Variants in LARP1B observed in about 807,000 individuals in gnomAD.
LARP1B encodes the protein La ribonucleoprotein 1B, also known as la-related protein 1B.
In LARP1B, 76 loss-of-function variants were observed where a neutral mutation model predicts 114.2. The ratio of observed to expected loss-of-function variants is 0.67; its 90% CI spans 0.55 to 0.81. The LOEUF (loss-of-function observed/expected upper bound fraction) is 0.81, where lower values mean the gene tolerates loss of function less well. Among genes scored for constraint, LARP1B ranks in the 30% least tolerant of loss-of-function variants. LARP1B has a pLI of 0.00. For synonymous variants in LARP1B, 345 were observed against 348.0 expected, an observed-to-expected ratio of 0.99 and a Z score of 0.10; for missense variants, 1,014 against 1,075.8, an observed-to-expected ratio of 0.94 and a Z score of 0.80.
chr4:128,062,197 C>G, intron 1 of LARP1B: 1 of 985,432 alleles, frequency 1.0e-6, no homozygotes, highest in Non-Finnish European at 1.2e-6. Context: ...CGCCACCGCC[C>G]CCGCTGGAAA....
At chr4:128,185,536 T>TG (rs1451600101) in intron 15 of LARP1B, among the ~76,000 whole-genome samples, 1 of 151,294 alleles carries the variant, frequency 6.6e-6, no homozygotes, top group African/African-American at 2.4e-5. Flanking sequence ...TTTGTATTGT[T>TG]TTTTTTTTTC....
intron 15 of LARP1B, among the ~76,000 whole-genome samples, chr4:128,194,234 G>A (rs1029733367): frequency 6.6e-6 from 1 of 151,798 alleles, no homozygotes; most frequent in Non-Finnish European, 1.5e-5. Context: ...TACCACACCC[G>A]GCTAATTTTT....
intron 9 of LARP1B, 139 bp downstream of exon 9, chr4:128,107,452 G>C (rs755827818): frequency 6.7e-7 from 1 of 1,488,050 alleles, no homozygotes; most frequent in South Asian, 1.4e-5. Context: ...GTCCCATTTT[G>C]TATTCATATT....
At chr4:128,098,757 ATATATATATATTTTTTTTTTTTT>A (rs1779063297) in intron 8 of LARP1B, among the ~76,000 whole-genome samples, 1 of 33,068 alleles carries the variant, frequency 3.0e-5, no homozygotes, top group Non-Finnish European at 5.9e-5. Flanking sequence ...GTATATATAT[ATATATATATATTTTTTTTTTTTT>A]TTTTTTTTTT....
intron 11 of LARP1B, among the ~76,000 whole-genome samples, chr4:128,140,850 C>T (rs1444910438): frequency 1.9e-5 from 2 of 105,768 alleles, no homozygotes; most frequent in East Asian, 2.6e-4. Flanking sequence ...GAGTCTTGCT[C>T]TGTCGCCCAG....
At chr4:128,082,399 A>C in intron 5 of LARP1B, 94 bp downstream of exon 5, 1 of 1,138,960 alleles carries the variant, frequency 8.8e-7, no homozygotes, top group Non-Finnish European at 1.3e-6. Flanking sequence ...ATTTGAGAAT[A>C]AGTTGAAGAC....
rs1561011640 is a variant in LARP1B at position 128,065,305 on chromosome 4, CTTT to C, written c.-78+3905_-78+3907del. The stretch of plus-strand genomic sequence containing the variant: ...TCTTTCTTTCTTTCTTTCTTTCTTT[CTTT>C]CTTTCTTTCTCTCTCTCTCTCTCTT... On this transcript the variant is annotated intron_variant, in intron 1 of 19. Coordinates refer to ENST00000326639, the MANE Select transcript of LARP1B (RefSeq NM_018078.4). Among the ~76,000 whole-genome samples the C allele has an allele frequency of 5.9e-5, 7 of 118,174 alleles. No individual in the cohort carries two copies. The South Asian group carries it at 1.4e-3, about 23-fold the overall frequency. The allele number at this position is 118,174 out of a possible 152,430, so 77.5% of individuals were successfully genotyped here. A position where few individuals can be genotyped will look rare whatever the true frequency, so the allele number is the denominator to read the frequency against.
intron 1 of LARP1B, among the ~76,000 whole-genome samples, chr4:128,073,271 C>G (rs1318802455): frequency 6.6e-6 from 1 of 151,384 alleles, no homozygotes; most frequent in Non-Finnish European, 1.5e-5. Context: ...AAAAAATTAG[C>G]CAGGCATGGT....
chr4:128,214,164 T>G (rs1388284508), downstream of LARP1B, among the ~76,000 whole-genome samples: 3 of 137,554 alleles, frequency 2.2e-5, no homozygotes, highest in African/African-American at 5.3e-5. Context: ...GCCCACGGAA[T>G]CTCGCTGATT....
At chr4:128,142,306 T>C (rs1007502519) in intron 11 of LARP1B, among the ~76,000 whole-genome samples, 1 of 152,040 alleles carries the variant, frequency 6.6e-6, no homozygotes, top group African/African-American at 2.4e-5. Context: ...TGTAAAAAAC[T>C]GGGCATATAT....
chr4:128,156,281 T>C (rs1388633944), intron 11 of LARP1B: 1 of 912,312 alleles, frequency 1.1e-6, no homozygotes, highest in Non-Finnish European at 1.7e-6. Flanking sequence ...CCAGCTGGCC[T>C]GGACAGTATC....
intron 14 of LARP1B, among the ~76,000 whole-genome samples, chr4:128,179,116 C>G (rs1747465410): frequency 6.6e-6 from 1 of 151,984 alleles, no homozygotes; most frequent in East Asian, 1.9e-4. Flanking sequence ...AAACAAAAAC[C>G]TTTTTTACAA....
At chr4:128,209,065 A>G (rs1432999009) in intron 19 of LARP1B, among the ~76,000 whole-genome samples, 1 of 152,206 alleles carries the variant, frequency 6.6e-6, no homozygotes, top group Non-Finnish European at 1.5e-5. Context: ...CAAGGAACCC[A>G]GCCTTATAGT....
chr4:128,067,786 T>C (rs1763586882), intron 1 of LARP1B, among the ~76,000 whole-genome samples: 1 of 151,850 alleles, frequency 6.6e-6, no homozygotes, highest in East Asian at 1.9e-4. Flanking sequence ...GCAATCTCAT[T>C]GCAACCTCCA....
chr4:128,124,064 G>A (rs1398781145), intron 11 of LARP1B, among the ~76,000 whole-genome samples: 2 of 151,994 alleles, frequency 1.3e-5, no homozygotes, highest in African/African-American at 2.4e-5. Context: ...TTTCCTGTGG[G>A]TCTGCTTAAA....
rs370433672 is a variant in LARP1B at position 128,077,944 on chromosome 4, A to G, written c.199A>G (p.Ser67Gly). 23 of 1,601,592 alleles carry G rather than the reference A, an allele frequency of 1.4e-5. No individual in the cohort carries two copies. Among genetic ancestry groups the G allele is most frequent in the Admixed American group, 3.5e-5 (2 of 56,712 alleles). The change falls in exon 4 of 20, where the codon AGT (serine) becomes GGT (glycine). Residue 67 changes from serine to glycine, a missense_variant. Ser to Gly is a moderately conservative substitution (Grantham distance 56). Coordinates refer to ENST00000326639, the MANE Select transcript of LARP1B (RefSeq NM_018078.4). ...CGTCAGTGAGGATGAGGCTCAGTCA[A>G]GTAATCAACGTAAGAGAGGTCAGTT... ...ENVSEDEAQS[S>G]NQRKRANKHK...
At chr4:128,061,045 G>C (rs1051283625), upstream of LARP1B, among the ~76,000 whole-genome samples, 3 of 152,040 alleles carry the variant, frequency 2.0e-5, no homozygotes, top group Admixed American at 6.6e-5. Context: ...CAGAGGCCTG[G>C]TGCGCGCTCC....
chr4:128,158,223 C>T (rs1736744605), intron 11 of LARP1B, among the ~76,000 whole-genome samples: 1 of 152,056 alleles, frequency 6.6e-6, no homozygotes, highest in African/African-American at 2.4e-5. Context: ...GATTGTAACA[C>T]ACACCTTTCG....
At chr4:128,072,995 A>G (rs1765968500) in intron 1 of LARP1B, among the ~76,000 whole-genome samples, 1 of 152,234 alleles carries the variant, frequency 6.6e-6, no homozygotes, top group Non-Finnish European at 1.5e-5. Flanking sequence ...ATTATCAACA[A>G]AGTTGCACTG....
Sources: gnomAD v4.1 joint callset for allele counts (sites outside exome capture counted in the v4.1 genomes callset) on GRCh38, gnomAD v4.1.1 for gene constraint, MANE v1.5 for transcripts, NCBI Gene and HGNC (gene_info 2026-07-23, HGNC 2026-07-21) for gene names.